The following SLC35F3 variants were observed in gnomAD, a reference collection of about 807,000 sequenced individuals.
SLC35F3 encodes putative thiamine transporter SLC35F3.
SLC35F3 carries 25 observed loss-of-function variants against 49.9 expected under a neutral mutation model. That is an observed-to-expected ratio of 0.50 (90% CI 0.37 to 0.70). SLC35F3 has a LOEUF of 0.70. Ranked by LOEUF, SLC35F3 falls within the 30% of genes least tolerant of loss-of-function variation. The pLI is 0.00. For synonymous variants in SLC35F3, 275 were observed against 265.4 expected, an observed-to-expected ratio of 1.04 and a Z score of -0.35; for missense variants, 525 against 639.8, an observed-to-expected ratio of 0.82 and a Z score of 1.94.
intron 2 of SLC35F3, among the ~76,000 whole-genome samples, chr1:234,181,846 C>T (rs2102924028): frequency 6.6e-6 from 1 of 152,214 alleles, no homozygotes; most frequent in South Asian, 2.1e-4. Flanking sequence ...ATTTTCATCA[C>T]AAAATACATA....
chr1:234,144,658 T>C (rs7525015), intron 2 of SLC35F3, among the ~76,000 whole-genome samples: 10,488 of 152,302 alleles, frequency 0.069, 591 homozygotes, highest in African/African-American at 0.15. Context: ...TTTTCTTTCA[T>C]GAGTTTCTGA....
chr1:234,148,054 C>A (rs1666023846), intron 2 of SLC35F3, among the ~76,000 whole-genome samples: 1 of 152,176 alleles, frequency 6.6e-6, no homozygotes, highest in Non-Finnish European at 1.5e-5. Flanking sequence ...AGTGATTGTC[C>A]AAGGAGGGGC....
intron 2 of SLC35F3, among the ~76,000 whole-genome samples, chr1:233,943,311 A>G (rs1460287179): frequency 2.0e-5 from 3 of 152,238 alleles, no homozygotes; most frequent in African/African-American, 7.2e-5. Context: ...CTGCAGGGAA[A>G]GTGGTGAAAT....
intron 2 of SLC35F3, among the ~76,000 whole-genome samples, chr1:234,229,952 T>A (rs1249166064): frequency 6.6e-6 from 1 of 152,212 alleles, no homozygotes; most frequent in Non-Finnish European, 1.5e-5. Context: ...GTCCTCCACA[T>A]CTTTCTGCCC....
chr1:234,027,579 C>T lies in SLC35F3; in HGVS notation c.283+121821C>T, dbSNP rs1240762334. ...GTAGGCTAGAAGGCTGTTCTCTGATCTAAGCAAGACAAAAACGAGGGCCTA... is the reference window on the plus strand; with the variant it reads ...GTAGGCTAGAAGGCTGTTCTCTGATTTAAGCAAGACAAAAACGAGGGCCTA... On this transcript the variant is annotated intron_variant, in intron 2 of 7. Transcript: ENST00000366618. The surrounding 1 kb of genome is among the most constrained non-coding windows in gnomAD (Gnocchi z 4.1). Among the ~76,000 whole-genome samples the T allele has an allele frequency of 6.6e-6, 1 of 152,074 alleles. No individual in the cohort carries two copies. The highest frequency in any genetic ancestry group is 1.9e-4 in the East Asian group (1 of 5,192).
intron 2 of SLC35F3, among the ~76,000 whole-genome samples, chr1:234,074,726 A>T (rs1222786461): frequency 6.6e-6 from 1 of 152,222 alleles, no homozygotes; most frequent in African/African-American, 2.4e-5. Flanking sequence ...ATCAAAGTAG[A>T]GAGGGTGGAG....
At chr1:234,188,424 C>T (rs1452941298) in intron 2 of SLC35F3, among the ~76,000 whole-genome samples, 1 of 152,078 alleles carries the variant, frequency 6.6e-6, no homozygotes, top group Non-Finnish European at 1.5e-5. Context: ...CTGTAACTGC[C>T]AGCTTTCCCC....
rs574686361 is a variant in SLC35F3 at position 234,303,082 on chromosome 1, T to C, written c.609-6019T>C. Among the ~76,000 whole-genome samples the C allele has an allele frequency of 2.0e-5, 3 of 152,274 alleles. No individual in the cohort carries two copies. In the East Asian group the frequency reaches 5.8e-4, roughly 29 times the overall value. On this transcript the variant is annotated intron_variant, in intron 3 of 7. Transcript: ENST00000366618. ...TTTCTTAAATATAGACATCCTCTGA[T>C]TTCTATCTCACCCTACCCTTTCTTC...
chr1:233,988,429 A>G (rs1420258835), intron 2 of SLC35F3, among the ~76,000 whole-genome samples: 1 of 152,222 alleles, frequency 6.6e-6, no homozygotes, highest in African/African-American at 2.4e-5. Context: ...ACACATATTC[A>G]GAATCTAACT....
intron 2 of SLC35F3, among the ~76,000 whole-genome samples, chr1:233,940,345 G>A (rs2102798525): frequency 7.1e-6 from 1 of 140,972 alleles, no homozygotes; most frequent in African/African-American, 2.7e-5. Context: ...GAGGCCAAGG[G>A]ATACAGACAC....
chr1:234,126,866 T>C (rs1383966492), intron 2 of SLC35F3, among the ~76,000 whole-genome samples: 1 of 152,140 alleles, frequency 6.6e-6, no homozygotes, highest in Non-Finnish European at 1.5e-5. Context: ...GGGCTAATTT[T>C]TTAATTTTTG....
chr1:234,279,292 A>G lies in SLC35F3; in HGVS notation c.609-29809A>G, dbSNP rs184500026. ...ATCTCAGGGAGCAAGGGGTGACTGA[A>G]TAGAATAGGAGGCAGGTTTGCCCTA... On this transcript the variant is annotated intron_variant, in intron 3 of 7. Coordinates refer to ENST00000366618, the MANE Select transcript of SLC35F3 (RefSeq NM_173508.4). Among the ~76,000 whole-genome samples, 190 of 152,268 alleles carry G rather than the reference A, an allele frequency of 1.2e-3. 2 individuals carry two copies. Among genetic ancestry groups the G allele is most frequent in the African/African-American group, 4.5e-3 (187 of 41,550 alleles).
chr1:233,955,482 G>A (rs764159300), intron 2 of SLC35F3, among the ~76,000 whole-genome samples: 6 of 152,122 alleles, frequency 3.9e-5, no homozygotes, highest in South Asian at 2.1e-4. Context: ...TATCTAATTG[G>A]TGGACACTTC....
At chr1:234,035,799 T>C (rs1664132693) in intron 2 of SLC35F3, among the ~76,000 whole-genome samples, 1 of 152,234 alleles carries the variant, frequency 6.6e-6, no homozygotes, top group Admixed American at 6.5e-5. Context: ...TATCCTCATT[T>C]CGTGGATGCA....
At chr1:234,221,729 G>A (rs1037103878) in intron 2 of SLC35F3, among the ~76,000 whole-genome samples, 4 of 152,164 alleles carry the variant, frequency 2.6e-5, no homozygotes, top group Admixed American at 1.3e-4. Context: ...AAGAACACTG[G>A]ATGAGGTGTC....
chr1:233,935,499 C>A (rs922629008), intron 2 of SLC35F3, among the ~76,000 whole-genome samples: 1 of 152,110 alleles, frequency 6.6e-6, no homozygotes, highest in African/African-American at 2.4e-5. Context: ...CTACTCCTAA[C>A]CCAGAAGCAA....
At chr1:233,931,499 G>A (rs4920238) in intron 2 of SLC35F3, among the ~76,000 whole-genome samples, 113,759 of 152,190 alleles carry the variant, frequency 0.75, 44,997 homozygotes, top group East Asian at 0.87. Flanking sequence ...ATGAACCGAC[G>A]CTTCTCAAAA....
At chr1:233,928,400 C>T (rs1662192833) in intron 2 of SLC35F3, among the ~76,000 whole-genome samples, 1 of 152,174 alleles carries the variant, frequency 6.6e-6, no homozygotes, top group Non-Finnish European at 1.5e-5. Context: ...CAGTTTTACA[C>T]ATAACCTAAA....
intron 2 of SLC35F3, among the ~76,000 whole-genome samples, chr1:234,198,385 A>G (rs1272859340): frequency 6.6e-6 from 1 of 152,218 alleles, no homozygotes; most frequent in African/African-American, 2.4e-5. Flanking sequence ...TTCTGTACAG[A>G]CATATGTTTT....
Sources: allele counts gnomAD v4.1 joint callset (sites outside exome capture counted in the v4.1 genomes callset), GRCh38; gene constraint gnomAD v4.1.1; non-coding constraint Gnocchi (gnomAD v3.1); transcripts MANE v1.5; gene names NCBI Gene and HGNC (gene_info 2026-07-23, HGNC 2026-07-21).